NAALADL2: variants seen among roughly 807,000 people sequenced by gnomAD.
The protein encoded by NAALADL2 is inactive N-acetylated-alpha-linked acidic dipeptidase-like protein 2.
A neutral mutation model predicts 87.2 loss-of-function variants in NAALADL2; 76 were observed. That is an observed-to-expected ratio of 0.87 (90% CI 0.72 to 1.05). The LOEUF (loss-of-function observed/expected upper bound fraction) is 1.05, where lower values mean the gene tolerates loss of function less well. NAALADL2 is among the 50% of genes least tolerant of loss of function. The pLI, the probability that NAALADL2 is intolerant of heterozygous loss-of-function variation, is 0.00. For synonymous variants in NAALADL2, 354 were observed against 331.0 expected, an observed-to-expected ratio of 1.07 and a Z score of -0.75; for missense variants, 1,089 against 945.8, an observed-to-expected ratio of 1.15 and a Z score of -1.99.
intron 13 of NAALADL2, among the ~76,000 whole-genome samples, chr3:175,796,114 G>T (rs1376329118): frequency 1.3e-5 from 2 of 148,388 alleles, no homozygotes; most frequent in Non-Finnish European, 3.0e-5. Flanking sequence ...GGAGAGGCAG[G>T]GTGGGTGGGG....
At chr3:174,692,941 A>G (rs980918359) in intron 2 of NAALADL2, among the ~76,000 whole-genome samples, 1 of 74,092 alleles carries the variant, frequency 1.3e-5, no homozygotes, top group African/African-American at 3.6e-5. Flanking sequence ...GTAGGGACCC[A>G]TATGAACTCA....
At chr3:174,491,272 T>C (rs1465728481) in intron 1 of NAALADL2, among the ~76,000 whole-genome samples, 2 of 152,118 alleles carry the variant, frequency 1.3e-5, no homozygotes, top group East Asian at 3.9e-4. Context: ...CAGGCCATGA[T>C]TATATAGCCA....
At chr3:175,522,864 A>G (rs1007705545) in intron 9 of NAALADL2, among the ~76,000 whole-genome samples, 1 of 152,228 alleles carries the variant, frequency 6.6e-6, no homozygotes, top group African/African-American at 2.4e-5. Context: ...TATCAACAAT[A>G]TTCAATTTCT....
intron 9 of NAALADL2, among the ~76,000 whole-genome samples, chr3:175,494,251 T>A (rs1354592595): frequency 6.6e-6 from 1 of 152,132 alleles, no homozygotes; most frequent in African/African-American, 2.4e-5. Context: ...ATTCTATAAT[T>A]TGTGATGTCT....
intron 2 of NAALADL2, among the ~76,000 whole-genome samples, chr3:174,640,868 G>T (rs528920238): frequency 6.6e-6 from 1 of 152,276 alleles, no homozygotes; most frequent in Non-Finnish European, 1.5e-5. Flanking sequence ...ATGGACTCCG[G>T]TTTCAAATTC....
chr3:175,360,111 C>T (rs1025893319), intron 5 of NAALADL2, among the ~76,000 whole-genome samples: 1 of 152,114 alleles, frequency 6.6e-6, no homozygotes, highest in African/African-American at 2.4e-5. Flanking sequence ...TCTTATATAT[C>T]TCCTATGTTT....
At chr3:175,481,474 T>C (rs555823701) in intron 9 of NAALADL2, among the ~76,000 whole-genome samples, 1 of 151,850 alleles carries the variant, frequency 6.6e-6, no homozygotes, top group East Asian at 1.9e-4. Flanking sequence ...CATAAATTGA[T>C]AGGTATTTGG....
chr3:174,572,567 T>C (rs1389186068), intron 2 of NAALADL2, among the ~76,000 whole-genome samples: 3 of 152,136 alleles, frequency 2.0e-5, no homozygotes, highest in Non-Finnish European at 4.4e-5. Flanking sequence ...AAATGAAATA[T>C]TGTTATTCAA....
intron 10 of NAALADL2, among the ~76,000 whole-genome samples, chr3:175,613,015 T>C (rs185747763): frequency 1.6e-4 from 25 of 151,968 alleles, no homozygotes; most frequent in African/African-American, 5.8e-4. Context: ...GTTAGCAGAG[T>C]TGGTAAACAG....
chr3:175,400,939 T>C (rs970807355), intron 5 of NAALADL2, among the ~76,000 whole-genome samples: 2 of 152,160 alleles, frequency 1.3e-5, no homozygotes, highest in Non-Finnish European at 2.9e-5. Context: ...GCTGAAGGTA[T>C]GTACAGTTTT....
intron 1 of NAALADL2, among the ~76,000 whole-genome samples, chr3:175,025,790 T>C (rs1204882372): frequency 6.6e-6 from 1 of 152,050 alleles, no homozygotes; most frequent in East Asian, 1.9e-4. Context: ...TGTTTAGCCA[T>C]ATTTGTTTTT....
chr3:175,552,334 C>G (rs1484201489), intron 9 of NAALADL2, among the ~76,000 whole-genome samples: 1 of 152,106 alleles, frequency 6.6e-6, no homozygotes, highest in African/African-American at 2.4e-5. Context: ...TTTTTCTTCT[C>G]CTTTCCAGAA....
At chr3:174,877,802 G>T (rs866063731) in intron 1 of NAALADL2, among the ~76,000 whole-genome samples, 1 of 152,122 alleles carries the variant, frequency 6.6e-6, no homozygotes, top group African/African-American at 2.4e-5. Flanking sequence ...AAGTACGGAA[G>T]GGTTTTTGCA....
chr3:174,492,016 T>TC (rs1718226219), intron 1 of NAALADL2, among the ~76,000 whole-genome samples: 1 of 152,136 alleles, frequency 6.6e-6, no homozygotes, highest in Admixed American at 6.5e-5. Flanking sequence ...ATGCCTGTAA[T>TC]CCCAGCACTT....
intron 13 of NAALADL2, 126 bp downstream of exon 13, chr3:175,755,544 T>A: frequency 5.1e-6 from 3 of 591,642 alleles, no homozygotes; most frequent in Non-Finnish European, 7.8e-6. Context: ...AGTTACTCAT[T>A]TGAGGAACTT....
chr3:174,737,577 G>A (rs1733347947), intron 2 of NAALADL2: 2 of 152,122 alleles, frequency 1.3e-5, no homozygotes, highest in African/African-American at 4.8e-5. Flanking sequence ...CAAAATTCAA[G>A]AGACAATAGA....
intron 11 of NAALADL2, among the ~76,000 whole-genome samples, chr3:175,664,602 G>T (rs1732704104): frequency 6.6e-6 from 1 of 151,788 alleles, no homozygotes; most frequent in Middle Eastern, 3.5e-3. Flanking sequence ...AAAGAACTTA[G>T]CCATAGAACA....
At chr3:174,634,929 T>C (rs1722481254) in intron 2 of NAALADL2, among the ~76,000 whole-genome samples, 1 of 152,188 alleles carries the variant, frequency 6.6e-6, no homozygotes, top group Admixed American at 6.5e-5. Context: ...TATTGAGATT[T>C]TAATCACTGG....
chr3:174,846,714 G>T (rs776371978), intron 3 of NAALADL2, among the ~76,000 whole-genome samples: 2 of 152,066 alleles, frequency 1.3e-5, no homozygotes, highest in African/African-American at 4.8e-5. Context: ...CTTTACAGAG[G>T]AGTTAAATGA....
Sources: gnomAD v4.1 joint callset for allele counts (sites outside exome capture counted in the v4.1 genomes callset) on GRCh38, gnomAD v4.1.1 for gene constraint, MANE v1.5 for transcripts, NCBI Gene and HGNC (gene_info 2026-07-23, HGNC 2026-07-21) for gene names.